CAMTA1: variants seen among roughly 807,000 people sequenced by gnomAD.
CAMTA1 encodes the protein calmodulin-binding transcription activator 1.
In CAMTA1, 27 loss-of-function variants were observed where a neutral mutation model predicts 170.9. The observed-to-expected ratio is 0.16, with a 90% CI of 0.12 to 0.22. The LOEUF is 0.22. Ranked by LOEUF, CAMTA1 falls within the 10% of genes least tolerant of loss-of-function variation. The pLI is 1.00. For missense variants in CAMTA1, 1,619 were observed against 2,217.2 expected (o/e 0.73, Z 5.42); for synonymous variants, 833 against 891.5 (o/e 0.93, Z 1.17).
chr1:7,221,054 C>T (rs1284637999), intron 4 of CAMTA1, among the ~76,000 whole-genome samples: 4 of 152,160 alleles, frequency 2.6e-5, no homozygotes, highest in South Asian at 2.1e-4. Context: ...CAGCAAGCAC[C>T]GAAGGCCGGC....
At chr1:7,260,950 G>C (rs1161568134) in intron 5 of CAMTA1, among the ~76,000 whole-genome samples, 1 of 152,184 alleles carries the variant, frequency 6.6e-6, no homozygotes, top group Non-Finnish European at 1.5e-5. Context: ...AAGATTCTAG[G>C]TGGCATGTGA....
Position 6,940,668 on chromosome 1 carries a change from G to A in CAMTA1, c.234+115458G>A, listed in dbSNP as rs549804339. 5.9e-5 allele frequency among the ~76,000 whole-genome samples: 9 copies of A among 152,230 alleles called. No individual in the cohort carries two copies. In the South Asian group the frequency reaches 1.0e-3, roughly 18 times the overall value. On this transcript the variant is annotated intron_variant, in intron 3 of 22. Transcript: ENST00000303635. The stretch of plus-strand genomic sequence containing the variant: ...AGAAATGGGCCTTTTGGGGGCCAAG[G>A]GTCCAGAGGAGTGACACTTAAGGAC...
intron 5 of CAMTA1, among the ~76,000 whole-genome samples, chr1:7,438,283 G>A (rs182973910): frequency 3.3e-4 from 50 of 152,266 alleles, no homozygotes; most frequent in African/African-American, 9.6e-4. Flanking sequence ...GCAGGTTTGC[G>A]GGGGTGGAGC....
chr1:7,187,813 G>A (rs1397708244), intron 4 of CAMTA1, among the ~76,000 whole-genome samples: 6 of 152,116 alleles, frequency 3.9e-5, no homozygotes, highest in Non-Finnish European at 7.3e-5. Flanking sequence ...GTCTGTATTT[G>A]CATGCAGTTA....
chr1:7,710,773 C>T (rs2096564573), intron 11 of CAMTA1, among the ~76,000 whole-genome samples: 1 of 151,968 alleles, frequency 6.6e-6, no homozygotes, highest in Admixed American at 6.6e-5. Context: ...GGAAGGGTCC[C>T]CAATATGGCA....
intron 6 of CAMTA1, among the ~76,000 whole-genome samples, chr1:7,542,873 G>T: frequency 1.4e-5 from 2 of 142,332 alleles, no homozygotes; most frequent in African/African-American, 6.0e-5. Flanking sequence ...GTGTGTGTGT[G>T]TGTGTGTTTG....
At chr1:6,790,230 T>C (rs370288749) in intron 1 of CAMTA1, among the ~76,000 whole-genome samples, 6 of 152,174 alleles carry the variant, frequency 3.9e-5, no homozygotes, top group African/African-American at 7.2e-5. Context: ...TACAAAGATA[T>C]AGTGTAATAG....
intron 5 of CAMTA1, among the ~76,000 whole-genome samples, chr1:7,259,443 C>A (rs534453843): frequency 6.6e-6 from 1 of 152,142 alleles, no homozygotes; most frequent in Non-Finnish European, 1.5e-5. Context: ...GAATTTCAGG[C>A]CCCAACCCAG....
At chr1:7,301,442 G>T (rs1484941586) in intron 5 of CAMTA1, among the ~76,000 whole-genome samples, 1 of 152,238 alleles carries the variant, frequency 6.6e-6, no homozygotes, top group Non-Finnish European at 1.5e-5. Context: ...GTACAAAGGA[G>T]TCTTATAGTT....
intron 7 of CAMTA1, among the ~76,000 whole-genome samples, chr1:7,650,901 G>A (rs1179783129): frequency 1.3e-5 from 2 of 152,176 alleles, no homozygotes; most frequent in Non-Finnish European, 2.9e-5. Context: ...CAAGAATACA[G>A]TGAAAATTAA....
At chr1:7,302,270 A>C (rs909854501) in intron 5 of CAMTA1, among the ~76,000 whole-genome samples, 1 of 151,880 alleles carries the variant, frequency 6.6e-6, no homozygotes, top group Non-Finnish European at 1.5e-5. Flanking sequence ...GATGCTCCTC[A>C]ATCCCCTCCC....
intron 3 of CAMTA1, among the ~76,000 whole-genome samples, chr1:6,885,420 T>C (rs2149099704): frequency 6.6e-6 from 1 of 152,362 alleles, no homozygotes; most frequent in Non-Finnish European, 1.5e-5. Context: ...TATTTATACC[T>C]GAGTCATTAG....
chr1:7,363,908 A>G (rs1320320362), intron 5 of CAMTA1, among the ~76,000 whole-genome samples: 1 of 152,180 alleles, frequency 6.6e-6, no homozygotes, highest in African/African-American at 2.4e-5. Flanking sequence ...AGGGACCGGG[A>G]ACACTTGGGA....
At chr1:7,572,752 C>G (rs997546220) in intron 6 of CAMTA1, among the ~76,000 whole-genome samples, 1 of 152,150 alleles carries the variant, frequency 6.6e-6, no homozygotes, top group East Asian at 1.9e-4. Flanking sequence ...AGGATTTCAA[C>G]ATAGGAATTT....
At chr1:7,321,507 T>G (rs1179358339) in intron 5 of CAMTA1, among the ~76,000 whole-genome samples, 4 of 152,216 alleles carry the variant, frequency 2.6e-5, no homozygotes, top group Non-Finnish European at 5.9e-5. Context: ...GTGTGCTGTT[T>G]GGTCTTTCCT....
chr1:7,341,412 G>A (rs1324117890), intron 5 of CAMTA1, among the ~76,000 whole-genome samples: 1 of 152,248 alleles, frequency 6.6e-6, no homozygotes, highest in Non-Finnish European at 1.5e-5. Context: ...GTGGGGCACA[G>A]CTGTCATCCT....
At chr1:7,647,406 C>T (rs1369661643) in intron 7 of CAMTA1, among the ~76,000 whole-genome samples, 1 of 152,148 alleles carries the variant, frequency 6.6e-6, no homozygotes, top group Non-Finnish European at 1.5e-5. Context: ...CCTGGTCGAC[C>T]AGCGCCACCT....
chr1:7,705,414 G>C (rs372319806), intron 11 of CAMTA1, among the ~76,000 whole-genome samples: 4 of 151,346 alleles, frequency 2.6e-5, no homozygotes, highest in Admixed American at 2.6e-4. Flanking sequence ...TGAGCCACGC[G>C]TGTCTGGGTG....
At chr1:7,717,229 T>C (rs1044194745) in intron 11 of CAMTA1, among the ~76,000 whole-genome samples, 9 of 152,098 alleles carry the variant, frequency 5.9e-5, no homozygotes, top group Admixed American at 4.6e-4. Flanking sequence ...CATCATGATA[T>C]ATTCCTGAAC....
Sources: gnomAD v4.1 joint callset for allele counts (sites outside exome capture counted in the v4.1 genomes callset) on GRCh38, gnomAD v4.1.1 for gene constraint, MANE v1.5 for transcripts, NCBI Gene and HGNC (gene_info 2026-07-23, HGNC 2026-07-21) for gene names.